SH3RF3: variants seen among roughly 807,000 people sequenced by gnomAD.
SH3RF3 encodes SH3 domain containing ring finger 3, also known as E3 ubiquitin-protein ligase SH3RF3.
A neutral mutation model predicts 66.3 loss-of-function variants in SH3RF3; 29 were observed. The observed-to-expected ratio is 0.44, with a 90% CI of 0.33 to 0.60. The LOEUF (loss-of-function observed/expected upper bound fraction) is 0.60. SH3RF3 is among the 20% of genes least tolerant of loss of function. SH3RF3 has a pLI of 0.04. For missense variants in SH3RF3, 1,194 were observed against 1,190.9 expected (o/e 1.00, Z -0.04); for synonymous variants, 583 against 532.0 (o/e 1.10, Z -1.32).
chr2:109,174,931 A>C (rs1377870197), intron 1 of SH3RF3, among the ~76,000 whole-genome samples: 1 of 152,200 alleles, frequency 6.6e-6, no homozygotes, highest in Admixed American at 6.5e-5. Context: ...TCTAATGGGG[A>C]GAGTCCTTGC....
intron 1 of SH3RF3, among the ~76,000 whole-genome samples, chr2:109,222,441 A>C (rs1679275135): frequency 6.6e-6 from 1 of 152,230 alleles, no homozygotes; most frequent in South Asian, 2.1e-4. Context: ...AAAATATTAT[A>C]TGTACCCCAT....
intron 1 of SH3RF3, among the ~76,000 whole-genome samples, chr2:109,258,177 A>G (rs1188032852): frequency 6.6e-6 from 1 of 152,212 alleles, no homozygotes; most frequent in Non-Finnish European, 1.5e-5. Flanking sequence ...GAGGCTTACG[A>G]AAGAGTAAAC....
chr2:109,418,981 C>T (rs535194051), intron 4 of SH3RF3, among the ~76,000 whole-genome samples: 12 of 152,220 alleles, frequency 7.9e-5, no homozygotes, highest in Admixed American at 3.9e-4. Context: ...TGATGCTGAC[C>T]GTTCCTCGGG....
At chr2:109,148,603 T>C (rs1463235687) in intron 1 of SH3RF3, among the ~76,000 whole-genome samples, 1 of 152,164 alleles carries the variant, frequency 6.6e-6, no homozygotes, top group Non-Finnish European at 1.5e-5. Flanking sequence ...AAATACTCGA[T>C]TATGTATAAT....
At chr2:109,203,995 G>C (rs1272982901) in intron 1 of SH3RF3, among the ~76,000 whole-genome samples, 2 of 152,188 alleles carry the variant, frequency 1.3e-5, no homozygotes, top group Admixed American at 6.5e-5. Flanking sequence ...GGCTTGAAGG[G>C]GCTCTGAGTG....
intron 8 of SH3RF3, among the ~76,000 whole-genome samples, chr2:109,451,789 A>G (rs1326429516): frequency 6.6e-6 from 1 of 152,262 alleles, no homozygotes; most frequent in Non-Finnish European, 1.5e-5. Flanking sequence ...CAAGCTGCAC[A>G]TACAGTGGCT....
intron 2 of SH3RF3, among the ~76,000 whole-genome samples, chr2:109,367,116 G>C (rs77356971): frequency 0.19 from 26,836 of 142,824 alleles, 3,015 homozygotes; most frequent in African/African-American, 0.33. Flanking sequence ...CTGTGCCCTG[G>C]TAATTTTTTT....
At chr2:109,283,588 C>T (rs1392811162) in intron 1 of SH3RF3, among the ~76,000 whole-genome samples, 2 of 152,176 alleles carry the variant, frequency 1.3e-5, no homozygotes, top group Non-Finnish European at 2.9e-5. Flanking sequence ...ACTTCAGCCC[C>T]TTCCTAAAAG....
intron 1 of SH3RF3, among the ~76,000 whole-genome samples, chr2:109,220,356 T>C (rs1479070307): frequency 1.3e-5 from 2 of 152,186 alleles, no homozygotes; most frequent in Admixed American, 1.3e-4. Flanking sequence ...CTTCATGGCC[T>C]GGAATTAGGC....
intron 8 of SH3RF3, among the ~76,000 whole-genome samples, chr2:109,467,199 G>GCTTTATTTGTGACAGCCT (rs1678376253): frequency 6.6e-6 from 1 of 152,238 alleles, no homozygotes; most frequent in Non-Finnish European, 1.5e-5. Context: ...ATCCGTAGCA[G>GCTTTATTTGTGACAGCCT]CTTTATTTGT....
At chr2:109,279,758 T>TA (rs11463215) in intron 1 of SH3RF3, among the ~76,000 whole-genome samples, 101,625 of 152,072 alleles carry the variant, frequency 0.67, 34,198 homozygotes, top group East Asian at 0.9. Flanking sequence ...GACGCGAAAC[T>TA]TCGCAGACGC....
chr2:109,256,033 CCT>C (rs773414592), intron 1 of SH3RF3, among the ~76,000 whole-genome samples: 1 of 152,180 alleles, frequency 6.6e-6, no homozygotes, highest in Non-Finnish European at 1.5e-5. Flanking sequence ...CTCTTACTGT[CCT>C]CTTTTTCCTC....
chr2:109,356,720 C>T (rs538362783), intron 2 of SH3RF3, among the ~76,000 whole-genome samples: 5 of 152,342 alleles, frequency 3.3e-5, no homozygotes, highest in African/African-American at 1.2e-4. Flanking sequence ...GTACACCCAT[C>T]TTTGGACAGC....
intron 8 of SH3RF3, among the ~76,000 whole-genome samples, chr2:109,451,399 G>T (rs1559090593): frequency 6.6e-6 from 1 of 152,144 alleles, no homozygotes; most frequent in Non-Finnish European, 1.5e-5. Context: ...ACAACCAGGG[G>T]CAGACTTGGA....
chr2:109,193,380 C>T (rs997570145), intron 1 of SH3RF3, among the ~76,000 whole-genome samples: 1 of 152,200 alleles, frequency 6.6e-6, no homozygotes, highest in Admixed American at 6.5e-5. Context: ...GTGTAGCCAT[C>T]GCCACAGTCA....
At chr2:109,199,334 G>T in intron 1 of SH3RF3, among the ~76,000 whole-genome samples, 1 of 512 alleles carries the variant, frequency 2.0e-3, no homozygotes. Context: ...AAAGTAAAAT[G>T]GAATGGAATG....
intron 2 of SH3RF3, among the ~76,000 whole-genome samples, chr2:109,359,284 A>G (rs1683009230): frequency 6.6e-6 from 1 of 152,212 alleles, no homozygotes; most frequent in Non-Finnish European, 1.5e-5. Context: ...AAACTTTAGA[A>G]TCAGTTGGTC....
At chr2:109,473,896 G>C (rs538391216) in intron 8 of SH3RF3, among the ~76,000 whole-genome samples, 388 of 152,248 alleles carry the variant, frequency 2.5e-3, no homozygotes, top group African/African-American at 8.9e-3. Flanking sequence ...TGTGCCCCTT[G>C]ATCATCAGCA....
At chr2:109,245,579 A>G (rs1192954253) in intron 1 of SH3RF3, among the ~76,000 whole-genome samples, 2 of 152,224 alleles carry the variant, frequency 1.3e-5, no homozygotes, top group African/African-American at 2.4e-5. Context: ...ATGTTATTAT[A>G]GGAACTTGGG....
Sources: gnomAD v4.1 joint callset for allele counts (sites outside exome capture counted in the v4.1 genomes callset) on GRCh38, gnomAD v4.1.1 for gene constraint, MANE v1.5 for transcripts, NCBI Gene and HGNC (gene_info 2026-07-23, HGNC 2026-07-21) for gene names.